The following NDUFB7 variants were observed in gnomAD, a reference collection of about 807,000 sequenced individuals.
The protein encoded by NDUFB7 is NADH dehydrogenase [ubiquinone] 1 beta subcomplex subunit 7.
A neutral mutation model predicts 14.7 loss-of-function variants in NDUFB7; 18 were observed. The ratio of observed to expected loss-of-function variants is 1.22; its 90% CI spans 0.85 to 1.81. The LOEUF (loss-of-function observed/expected upper bound fraction) is 1.81, where lower values mean the gene tolerates loss of function less well. NDUFB7 is among the 40% of genes most tolerant of loss of function. The pLI is 0.00. For synonymous variants in NDUFB7, 86 were observed against 76.1 expected (o/e 1.13, Z -0.68); for missense variants, 219 against 195.0 (o/e 1.12, Z -0.73).
chr19:14,571,755 C>T (rs1318753722), intron 1 of NDUFB7, 134 bp downstream of exon 1: 1 of 807,326 alleles, frequency 1.2e-6, no homozygotes, highest in African/African-American at 1.7e-5. Context: ...GTCCTGTGGA[C>T]TCCTAGTCTA....
At chr19:14,570,982 A>AC (rs754405192) in intron 1 of NDUFB7, among the ~76,000 whole-genome samples, 1 of 151,464 alleles carries the variant, frequency 6.6e-6, no homozygotes, top group Non-Finnish European at 1.5e-5. Context: ...ACACAGCAAG[A>AC]CCCCCAACTC....
chr19:14,566,157 T>C lies in NDUFB7; in HGVS notation c.390A>G (p.Glu130=), dbSNP rs778043151. 2.5e-6 allele frequency: 4 copies of C among 1,612,774 alleles called. No individual in the cohort carries two copies. The South Asian group carries it at 4.4e-5, about 18-fold the overall frequency. Residue 130 remains glutamate, a synonymous_variant, in exon 3 of 3, where the codon GAA becomes GAG. Transcript: ENST00000215565. The part of the protein sequence containing the change: ...AELAKGQGPG[E]VDPKVAL ...CCTACAGGGCCACCTTGGGGTCCAC[T>C]TCCCCGGGTCCCTGGCCTTTGGCCA...
rs752860648 is a variant in NDUFB7, at chr19:14,566,882, A to G, written c.164T>C (p.Leu55Pro). Reference protein sequence around the residue: ...EMMDAQLRLQLRDYCAHHLIR... With the variant: ...EMMDAQLRLQPRDYCAHHLIR... Reference sequence around the variant, plus strand: ...GAGGTGGTGGGCGCAGTAGTCCCGCAGCTGGAGCCTCAGCTGCGCGTCCAT... The same window carrying G: ...GAGGTGGTGGGCGCAGTAGTCCCGCGGCTGGAGCCTCAGCTGCGCGTCCAT... The change falls in exon 2 of 3, where the codon CTG becomes CCG. Residue 55 changes from leucine (L) to proline (P), a missense_variant. Transcript: ENST00000215565. The G allele has an allele frequency of 3.2e-6, 5 of 1,580,248 alleles. No homozygotes were observed. The East Asian group carries it at 6.9e-5, about 22-fold the overall frequency.
chr19:14,568,932 T>G (rs1265646152), intron 1 of NDUFB7, among the ~76,000 whole-genome samples: 1 of 151,944 alleles, frequency 6.6e-6, no homozygotes, highest in Non-Finnish European at 1.5e-5. Flanking sequence ...CCCAGCACTT[T>G]GGGAGGCCGA....
chr19:14,567,740 G>A lies in NDUFB7; in HGVS notation c.113-807C>T, dbSNP rs897949996. ...TCGGTCCCAGCTCCTTCCCATCTGC[G>A]CAAGTGAGACGAGATATATTCACAT... On this transcript the variant is annotated intron_variant, in intron 1 of 2. Coordinates refer to ENST00000215565, the MANE Select transcript of NDUFB7 (RefSeq NM_004146.6). This position sits in a 1 kb window ranked among gnomAD's most constrained non-coding sequence, Gnocchi z 5.1. Among the ~76,000 whole-genome samples, 4 of 152,068 alleles carry A rather than the reference G, an allele frequency of 2.6e-5. No individual in the cohort carries two copies. The highest frequency in any genetic ancestry group is 4.4e-5 in the Non-Finnish European group (3 of 68,000).
chr19:14,566,110 C>T lies in NDUFB7; in HGVS notation c.*23G>A. 1.3e-6 allele frequency: 2 copies of T among 1,599,506 alleles called. No homozygotes were observed. The highest frequency in any genetic ancestry group is 1.7e-6 in the Non-Finnish European group (2 of 1,172,724). ...GCCTGAAGGCTTTTATTTGACTGGT[C>T]CATAGGGTGGGGGGTGCACCCCCTA... On this transcript the variant is annotated 3_prime_UTR_variant, in exon 3 of 3. Coordinates refer to ENST00000215565, the MANE Select transcript of NDUFB7 (RefSeq NM_004146.6).
rs561511688 is a variant in NDUFB7 at position 14,567,533 on chromosome 19, G to C, written c.113-600C>G. 1.3e-5 allele frequency among the ~76,000 whole-genome samples: 2 copies of C among 152,008 alleles called. No homozygotes were observed. The highest frequency in any genetic ancestry group is 2.9e-5 in the Non-Finnish European group (2 of 67,986). On this transcript the variant is annotated intron_variant, in intron 1 of 2. Coordinates refer to ENST00000215565, the MANE Select transcript of NDUFB7 (RefSeq NM_004146.6). The surrounding 1 kb of genome is among the most constrained non-coding windows in gnomAD (Gnocchi z 5.1). ...ACAGCTGGACTAGTATCTGGGTCCC[G>C]GTGCCCCACTCACCTAGCAAACCTG... is the stretch of plus-strand genomic sequence containing the variant.
rs770821666 is a variant in NDUFB7 at position 14,566,946 on chromosome 19, G to T, written c.113-13C>A. 6 of 1,569,458 alleles carry T rather than the reference G, an allele frequency of 3.8e-6. No homozygotes were observed. Among genetic ancestry groups the T allele is most frequent in the Non-Finnish European group, 4.3e-6 (5 of 1,161,392 alleles). On this transcript the variant is annotated splice_polypyrimidine_tract_variant and intron_variant, in intron 1 of 2. Transcript: ENST00000215565. ...GTGGCCACCATCTCTGCAGGGAGTG[G>T]GCGGGGCTCAACCAGGCTGGAGGCT...
chr19:14,566,367 C>T (rs896895109), intron 2 of NDUFB7, 102 bp from the exon 3 acceptor site: 4 of 1,560,432 alleles, frequency 2.6e-6, no homozygotes, highest in East Asian at 4.5e-5. Flanking sequence ...GTGGGGGAGG[C>T]CTCTGAAGAA....
intron 2 of NDUFB7, 52 bp from the exon 3 acceptor site, chr19:14,566,317 C>A: frequency 6.2e-7 from 1 of 1,610,696 alleles, no homozygotes; most frequent in African/African-American, 1.3e-5. Flanking sequence ...AGGACACGCC[C>A]CCCAAGCCCT....
At chr19:14,566,993 C>A (rs532405782) in intron 1 of NDUFB7, 60 bp from the exon 2 acceptor site, 5 of 1,491,090 alleles carry the variant, frequency 3.4e-6, no homozygotes, top group Admixed American at 4.1e-5. Context: ...TTCCGGGGAT[C>A]CCCAGGGGAC....
intron 1 of NDUFB7, among the ~76,000 whole-genome samples, chr19:14,568,385 G>C (rs2074105825): frequency 6.6e-6 from 1 of 152,126 alleles, no homozygotes; most frequent in Non-Finnish European, 1.5e-5. Context: ...ATGTAGATGA[G>C]CCCGATGTGG....
chr19:14,566,880 GCAGCTGGAGCCT>G lies in NDUFB7; in HGVS notation c.154_165del (p.Leu53_Arg56del). On this transcript the variant is annotated inframe_deletion, in exon 2 of 3. Coordinates refer to ENST00000215565, the MANE Select transcript of NDUFB7 (RefSeq NM_004146.6). ...ATGAGGTGGTGGGCGCAGTAGTCCC[GCAGCTGGAGCCT>G]CAGCTGCGCGTCCATCATCTCCTGC... The G allele has an allele frequency of 1.9e-6, 3 of 1,579,130 alleles. No homozygotes were observed. The highest frequency in any genetic ancestry group is 2.6e-6 in the Non-Finnish European group (3 of 1,165,536).
chr19:14,570,051 C>A (rs1479457142), intron 1 of NDUFB7, among the ~76,000 whole-genome samples: 5 of 152,044 alleles, frequency 3.3e-5, no homozygotes, highest in African/African-American at 1.2e-4. Context: ...GCCACCACAC[C>A]TGGCTAATTT....
At chr19:14,569,187 G>C (rs1479785920) in intron 1 of NDUFB7, among the ~76,000 whole-genome samples, 2 of 152,062 alleles carry the variant, frequency 1.3e-5, no homozygotes, top group African/African-American at 4.8e-5. Context: ...GATCTAGGAG[G>C]GAGGGAGAGA....
At chr19:14,571,817 A>G in intron 1 of NDUFB7, 72 bp downstream of exon 1, 1 of 1,420,540 alleles carries the variant, frequency 7.0e-7, no homozygotes, top group South Asian at 1.2e-5. Context: ...CTGGGGTGCC[A>G]GCCCTGGGGT....
intron 2 of NDUFB7, 95 bp from the exon 3 acceptor site, chr19:14,566,360 G>T: frequency 6.3e-7 from 1 of 1,576,918 alleles, no homozygotes; most frequent in East Asian, 2.2e-5. Flanking sequence ...GAGCACTGTG[G>T]GGGAGGCCTC....
At chr19:14,571,367 G>A (rs1342195291) in intron 1 of NDUFB7, among the ~76,000 whole-genome samples, 3 of 152,088 alleles carry the variant, frequency 2.0e-5, no homozygotes, top group Non-Finnish European at 4.4e-5. Flanking sequence ...AGGCCGAGGC[G>A]GGCGGATCAC....
intron 1 of NDUFB7, among the ~76,000 whole-genome samples, chr19:14,571,051 G>C (rs938953866): frequency 2.0e-5 from 3 of 151,972 alleles, no homozygotes; most frequent in African/African-American, 4.8e-5. Context: ...CCAGCTACTC[G>C]GGAGGCTGAG....
Sources: gnomAD v4.1 joint callset for allele counts (sites outside exome capture counted in the v4.1 genomes callset) on GRCh38, gnomAD v4.1.1 for gene constraint, Gnocchi (gnomAD v3.1) non-coding constraint, MANE v1.5 for transcripts, NCBI Gene and HGNC (gene_info 2026-07-23, HGNC 2026-07-21) for gene names.